Variants in ATF6 observed in about 807,000 individuals in gnomAD.
ATF6 encodes activating transcription factor 6.
Under a neutral mutation model 83.6 loss-of-function variants are expected in ATF6, and 53 were observed. That is an observed-to-expected ratio of 0.63 (90% confidence interval 0.51 to 0.80). ATF6 has a LOEUF of 0.80. ATF6 is among the 30% of genes least tolerant of loss of function. The pLI is 0.00. For missense variants in ATF6, 744 were observed against 797.9 expected (o/e 0.93, Z 0.81); for synonymous variants, 288 against 285.8 (o/e 1.01, Z -0.08).
intron 15 of ATF6, among the ~76,000 whole-genome samples, chr1:161,925,965 G>C (rs1225104923): frequency 1.3e-5 from 2 of 152,120 alleles, no homozygotes; most frequent in African/African-American, 4.8e-5. Context: ...CATGGATCAA[G>C]GTACAGATGA....
chr1:161,935,832 G>A (rs1688523966), intron 15 of ATF6, among the ~76,000 whole-genome samples: 1 of 152,190 alleles, frequency 6.6e-6, no homozygotes, highest in Non-Finnish European at 1.5e-5. Context: ...GTAAAGAGTG[G>A]CAATGCTCGA....
intron 9 of ATF6, among the ~76,000 whole-genome samples, chr1:161,841,652 T>C (rs1200871031): frequency 6.6e-6 from 1 of 152,190 alleles, no homozygotes; most frequent in African/African-American, 2.4e-5. Flanking sequence ...TTATTGACTC[T>C]GTGTAATGTA....
At chr1:161,870,886 T>A (rs138673572) in intron 14 of ATF6, among the ~76,000 whole-genome samples, 130 of 151,840 alleles carry the variant, frequency 8.6e-4, no homozygotes, top group African/African-American at 3.0e-3. Context: ...AATTTTTCAA[T>A]GGTTCTTATT....
rs561817853 is a variant in ATF6 at position 161,796,231 on chromosome 1, CTG to C, written c.688+3906_688+3907del. On this transcript the variant is annotated intron_variant, in intron 6 of 15. Transcript: ENST00000367942. Reference sequence around the variant, plus strand: ...ATCTGCTAGGGCTTTAAATCTGTAACTGTAGCTAGAAATAGGATTCTTTCTTA... The same window carrying C: ...ATCTGCTAGGGCTTTAAATCTGTAACTAGCTAGAAATAGGATTCTTTCTTA... 1.4e-3 allele frequency among the ~76,000 whole-genome samples: 210 copies of C among 152,300 alleles called. 1 individual carries two copies. The highest frequency in any genetic ancestry group is 4.9e-3 in the African/African-American group (203 of 41,562).
At chr1:161,813,588 G>T (rs1195014255) in intron 7 of ATF6, among the ~76,000 whole-genome samples, 1 of 151,996 alleles carries the variant, frequency 6.6e-6, no homozygotes, top group Non-Finnish European at 1.5e-5. Context: ...ATTCTGTCCT[G>T]TGCTTTTCTG....
intron 14 of ATF6, among the ~76,000 whole-genome samples, chr1:161,905,005 A>G (rs1687854210): frequency 6.6e-6 from 1 of 152,194 alleles, no homozygotes; most frequent in Admixed American, 6.5e-5. Context: ...ATAGTCCTCC[A>G]TATTTCTTTA....
At chr1:161,815,869 G>C (rs1685599577) in intron 7 of ATF6, among the ~76,000 whole-genome samples, 1 of 152,190 alleles carries the variant, frequency 6.6e-6, no homozygotes, top group African/African-American at 2.4e-5. Flanking sequence ...GAACCTGTGA[G>C]GTTGAGGCTG....
intron 4 of ATF6, among the ~76,000 whole-genome samples, chr1:161,788,795 C>T (rs530481809): frequency 2.0e-5 from 3 of 152,114 alleles, no homozygotes; most frequent in East Asian, 3.9e-4. Context: ...GTTTTCCTAA[C>T]TGTATTGTCT....
In ATF6 at chr1:161,921,939, A is replaced by G. The variant is rs190366068; in HGVS notation, c.1804+9559A>G. Among the ~76,000 whole-genome samples the G allele has an allele frequency of 4.3e-4, 66 of 152,328 alleles. 1 individual carries two copies. In the East Asian group the frequency reaches 9.8e-3, roughly 23 times the overall value. On this transcript the variant is annotated intron_variant, in intron 15 of 15. Coordinates refer to ENST00000367942, the MANE Select transcript of ATF6 (RefSeq NM_007348.4). ...ATAGGCATGGGGCAGCAAGAAATAT[A>G]GAGTGGGAATCTGCAGAGAAAAGAA...
intron 6 of ATF6, among the ~76,000 whole-genome samples, chr1:161,797,152 CA>C (rs1309891318): frequency 2.0e-5 from 3 of 152,062 alleles, no homozygotes; most frequent in Non-Finnish European, 2.9e-5. Context: ...ACAAATTAGG[CA>C]TCAAAGGAAC....
chr1:161,851,534 CTG>C (rs1686632084), intron 10 of ATF6, among the ~76,000 whole-genome samples, 186 bp from the exon 11 acceptor site: 1 of 152,108 alleles, frequency 6.6e-6, no homozygotes, highest in African/African-American at 2.4e-5. Context: ...CATCCTGTCT[CTG>C]TAGAAAATCA....
chr1:161,798,365 G>A (rs1557965875), intron 6 of ATF6, among the ~76,000 whole-genome samples: 1 of 152,204 alleles, frequency 6.6e-6, no homozygotes, highest in East Asian at 1.9e-4. Context: ...TGTAATCCCA[G>A]CACTTTGGGA....
chr1:161,806,941 C>T (rs1345429403), intron 7 of ATF6, among the ~76,000 whole-genome samples: 2 of 152,028 alleles, frequency 1.3e-5, no homozygotes, highest in African/African-American at 4.8e-5. Context: ...GTGACATGGG[C>T]CTAGATGGAT....
chr1:161,777,186 A>G (rs1245271067), intron 1 of ATF6, among the ~76,000 whole-genome samples: 1 of 152,166 alleles, frequency 6.6e-6, no homozygotes, highest in Non-Finnish European at 1.5e-5. Flanking sequence ...TTTAGAACGA[A>G]TGGGAGGAAA....
At chr1:161,862,973 C>G (rs538509265) in intron 13 of ATF6, among the ~76,000 whole-genome samples, 1 of 151,980 alleles carries the variant, frequency 6.6e-6, no homozygotes, top group Admixed American at 6.6e-5. Flanking sequence ...CATTTTAGAG[C>G]CTTGATTCAG....
chr1:161,864,391 G>A (rs183767094), intron 14 of ATF6, among the ~76,000 whole-genome samples: 225 of 152,124 alleles, frequency 1.5e-3, no homozygotes, highest in Non-Finnish European at 1.9e-3. Context: ...TTATACAGGC[G>A]GCTCTGTAAC....
At chr1:161,892,211 T>C (rs2101870603) in intron 14 of ATF6, 1 of 152,344 alleles carries the variant, frequency 6.6e-6, no homozygotes, top group South Asian at 2.1e-4. Flanking sequence ...CTGAGTGTGC[T>C]TATCTGAGCT....
chr1:161,798,732 A>G (rs1416627609), intron 6 of ATF6, among the ~76,000 whole-genome samples: 2 of 152,236 alleles, frequency 1.3e-5, no homozygotes, highest in African/African-American at 4.8e-5. Context: ...TCTAATCTCC[A>G]GAATCTACAA....
chr1:161,863,774 A>G (rs1220123574), intron 14 of ATF6, among the ~76,000 whole-genome samples: 1 of 152,202 alleles, frequency 6.6e-6, no homozygotes, highest in Non-Finnish European at 1.5e-5. Context: ...AAGAATCTCT[A>G]TTCCTCTTTT....
Sources: allele counts gnomAD v4.1 joint callset (sites outside exome capture counted in the v4.1 genomes callset), GRCh38; gene constraint gnomAD v4.1.1; transcripts MANE v1.5; gene names NCBI Gene and HGNC (gene_info 2026-07-23, HGNC 2026-07-21).